The following ARMH3 variants were observed in gnomAD, a reference collection of about 807,000 sequenced individuals.
The protein encoded by ARMH3 is armadillo-like helical domain-containing protein 3.
In ARMH3, 60 loss-of-function variants were observed where a neutral mutation model predicts 99.1. That is an observed-to-expected ratio of 0.61 (90% confidence interval 0.49 to 0.75). The LOEUF (loss-of-function observed/expected upper bound fraction) is 0.75. Ranked by LOEUF, ARMH3 falls within the 30% of genes least tolerant of loss-of-function variation. ARMH3 has a pLI of 0.00. For synonymous variants in ARMH3, 285 were observed against 292.8 expected (o/e 0.97, Z 0.27); for missense variants, 679 against 843.1 (o/e 0.81, Z 2.41).
intron 14 of ARMH3, among the ~76,000 whole-genome samples, chr10:102,004,592 T>G (rs1383147620): frequency 6.6e-6 from 1 of 152,138 alleles, no homozygotes; most frequent in Non-Finnish European, 1.5e-5. Flanking sequence ...TGAAAGGCAG[T>G]TCTCTGAAGC....
At chr10:101,989,346 G>GC (rs1204762059) in intron 19 of ARMH3, among the ~76,000 whole-genome samples, 1 of 151,928 alleles carries the variant, frequency 6.6e-6, no homozygotes, top group African/African-American at 2.4e-5. Flanking sequence ...ACCAGCCTGG[G>GC]CAACACAGTG....
intron 24 of ARMH3, among the ~76,000 whole-genome samples, chr10:101,869,963 G>A (rs1453008750): frequency 2.0e-5 from 3 of 152,242 alleles, no homozygotes; most frequent in Admixed American, 1.3e-4. Flanking sequence ...ATCCTGGGAA[G>A]TGGAGGCTGC....
At chr10:102,017,218 G>C (rs1031471781) in intron 8 of ARMH3, among the ~76,000 whole-genome samples, 2 of 152,140 alleles carry the variant, frequency 1.3e-5, no homozygotes, top group African/African-American at 2.4e-5. Context: ...TCACGTTCTT[G>C]TCAAAAACCT....
intron 15 of ARMH3, among the ~76,000 whole-genome samples, chr10:101,996,750 T>C (rs1266428896): frequency 6.6e-6 from 1 of 152,156 alleles, no homozygotes; most frequent in East Asian, 1.9e-4. Context: ...AAAAAGCATA[T>C]ACACACAAAA....
At chr10:101,953,746 T>C (rs1292644251) in intron 22 of ARMH3, among the ~76,000 whole-genome samples, 1 of 152,128 alleles carries the variant, frequency 6.6e-6, no homozygotes, top group Non-Finnish European at 1.5e-5. Flanking sequence ...GGATATGATA[T>C]GGAATGACGA....
At chr10:101,991,538 G>A (rs139917976) in intron 18 of ARMH3, among the ~76,000 whole-genome samples, 62 of 152,150 alleles carry the variant, frequency 4.1e-4, no homozygotes, top group African/African-American at 1.3e-3. Flanking sequence ...ACGCCAACAC[G>A]ACCAGCTAAT....
intron 19 of ARMH3, among the ~76,000 whole-genome samples, chr10:101,986,142 A>C (rs1219979200): frequency 2.0e-5 from 3 of 152,214 alleles, no homozygotes; most frequent in Non-Finnish European, 2.9e-5. Flanking sequence ...TGCTTGTAGC[A>C]ATTTCCTATT....
intron 24 of ARMH3, among the ~76,000 whole-genome samples, chr10:101,887,279 T>C (rs2067570663): frequency 6.6e-6 from 1 of 152,062 alleles, no homozygotes; most frequent in African/African-American, 2.4e-5. Flanking sequence ...AAAAGGACTA[T>C]TAAAAGAGGT....
rs527948956 is a variant in ARMH3, at chr10:101,978,478, T to C, written c.1407-3178A>G. ...ACAGAGCTACCACATAACCCAGCAA[T>C]TCCACTACTAGGTGTATACAAAAGA... On this transcript the variant is annotated intron_variant, in intron 19 of 25. Coordinates refer to ENST00000370033, the MANE Select transcript of ARMH3 (RefSeq NM_024541.3). 2.6e-5 allele frequency among the ~76,000 whole-genome samples: 4 copies of C among 152,300 alleles called. No homozygotes were observed. The East Asian group carries it at 7.7e-4, about 29-fold the overall frequency.
intron 15 of ARMH3, 53 bp downstream of exon 15, chr10:102,001,918 A>T: frequency 6.7e-7 from 1 of 1,484,542 alleles, no homozygotes. Context: ...CTTTGATGCT[A>T]GCTGCCTGCC....
At chr10:102,053,041 T>A (rs969916448) in intron 1 of ARMH3, among the ~76,000 whole-genome samples, 1 of 152,082 alleles carries the variant, frequency 6.6e-6, no homozygotes, top group African/African-American at 2.4e-5. Flanking sequence ...AGAAGTTGAA[T>A]CAATCTCAGA....
rs549228203 is a variant in ARMH3, at chr10:101,895,406, A to C, written c.1782-5916T>G. 2.0e-5 allele frequency among the ~76,000 whole-genome samples: 3 copies of C among 151,672 alleles called. No homozygotes were observed. In the East Asian group the frequency reaches 5.8e-4, roughly 30 times the overall value. On this transcript the variant is annotated intron_variant, in intron 23 of 25. Coordinates refer to ENST00000370033, the MANE Select transcript of ARMH3 (RefSeq NM_024541.3). Reference sequence around the variant, plus strand: ...GCCATTCTCCGGCATCAGCCTCCCGAGTAGCTGGGACTACAGGCGCCCGCC... The same window carrying C: ...GCCATTCTCCGGCATCAGCCTCCCGCGTAGCTGGGACTACAGGCGCCCGCC...
At chr10:102,012,536 C>T (rs2066654501) in intron 10 of ARMH3, among the ~76,000 whole-genome samples, 1 of 152,146 alleles carries the variant, frequency 6.6e-6, no homozygotes, top group African/African-American at 2.4e-5. Flanking sequence ...AATGGAAGTG[C>T]CCACTTGTGG....
intron 1 of ARMH3, among the ~76,000 whole-genome samples, chr10:102,055,486 T>C (rs2067823016): frequency 1.3e-5 from 2 of 152,240 alleles, no homozygotes; most frequent in African/African-American, 2.4e-5. Context: ...TCTCTACTTT[T>C]TCCTTCCCTA....
At chr10:101,897,376 T>C (rs2067863601) in intron 23 of ARMH3, among the ~76,000 whole-genome samples, 1 of 152,176 alleles carries the variant, frequency 6.6e-6, no homozygotes, top group African/African-American at 2.4e-5. Context: ...CCTCCCAAAG[T>C]ATGAAAATAA....
At chr10:101,989,400 TG>T (rs954712870) in intron 19 of ARMH3, among the ~76,000 whole-genome samples, 3 of 152,030 alleles carry the variant, frequency 2.0e-5, no homozygotes, top group Non-Finnish European at 4.4e-5. Context: ...GATTCTGAGT[TG>T]CCTCCAGTTG....
At chr10:102,010,085 T>C (rs941778845) in intron 11 of ARMH3, 62 bp from the exon 12 acceptor site, 5 of 1,501,446 alleles carry the variant, frequency 3.3e-6, no homozygotes, top group Non-Finnish European at 4.6e-6. Context: ...GCTTTATGCC[T>C]AGGAAGCCTT....
intron 15 of ARMH3, among the ~76,000 whole-genome samples, chr10:102,000,658 T>C: frequency 7.4e-6 from 1 of 134,554 alleles, no homozygotes; most frequent in East Asian, 2.9e-4. Flanking sequence ...TAGTCCCAGC[T>C]ACTCAGGAGC....
chr10:101,878,215 G>A (rs763643544), intron 24 of ARMH3, among the ~76,000 whole-genome samples: 26 of 152,136 alleles, frequency 1.7e-4, no homozygotes, highest in Non-Finnish European at 3.2e-4. Context: ...CAGAGATCAC[G>A]CCACTGCCCT....
Sources: allele counts gnomAD v4.1 joint callset (sites outside exome capture counted in the v4.1 genomes callset), GRCh38; gene constraint gnomAD v4.1.1; transcripts MANE v1.5; gene names NCBI Gene and HGNC (gene_info 2026-07-23, HGNC 2026-07-21).